ME1: variants seen among roughly 807,000 people sequenced by gnomAD.
The protein encoded by ME1 is malic enzyme 1, also known as NADP-dependent malic enzyme.
Under a neutral mutation model 66.4 loss-of-function variants are expected in ME1, and 74 were observed. The observed-to-expected ratio is 1.11, with a 90% CI of 0.92 to 1.35. ME1 has a LOEUF of 1.35. ME1 is among the 40% of genes most tolerant of loss of function. ME1 has a pLI of 0.00. For synonymous variants in ME1, 251 were observed against 235.6 expected (o/e 1.07, Z -0.60); for missense variants, 750 against 694.1 (o/e 1.08, Z -0.90).
rs1562002963 is a variant in ME1 at position 83,398,467 on chromosome 6, TATAA to T, written c.258_261del (p.Phe86LeufsTer4). 1 of 1,584,370 alleles carries T rather than the reference TATAA, an allele frequency of 6.3e-7. No homozygotes were observed. The highest frequency in any genetic ancestry group is 1.8e-5 in the Admixed American group (1 of 56,936). On this transcript the variant is annotated frameshift_variant, in exon 3 of 14. Transcript: ENST00000369705. LOFTEE classifies it high-confidence loss of function. ...TTCTCAATGTCAGATGTCAGCACTC[TATAA>T]AAGAGTTTTTCATTTCTATCTTGGA...
intron 3 of ME1, chr6:83,392,779 T>C (rs1769647551): frequency 2.9e-6 from 2 of 686,098 alleles, no homozygotes; most frequent in Admixed American, 3.6e-5. Context: ...GGTCATCATC[T>C]CTGCACCCTC....
intron 11 of ME1, among the ~76,000 whole-genome samples, chr6:83,224,233 C>A (rs75566761): frequency 0.027 from 4,036 of 152,220 alleles, 81 homozygotes; most frequent in Admixed American, 0.055. Flanking sequence ...GCTCATCAAC[C>A]ATTTCTATAT....
In ME1 at chr6:83,339,893, C is replaced by T. The variant is rs563599970; in HGVS notation, c.600+6280G>A. Among the ~76,000 whole-genome samples the T allele has an allele frequency of 6.9e-5, 9 of 131,048 alleles. No homozygotes were observed. The South Asian group carries it at 1.8e-3, about 27-fold the overall frequency. 86.0% of individuals were successfully genotyped at this position (131,048 alleles called of 152,430 possible). A position where few individuals can be genotyped will look rare whatever the true frequency, so the allele number is the denominator to read the frequency against. The stretch of plus-strand genomic sequence containing the variant: ...CTAGATGACACGTTAGTGGGTGCAG[C>T]GCACCAGCATGGCACATGTATACAT... On this transcript the variant is annotated intron_variant, in intron 5 of 13. Coordinates refer to ENST00000369705, the MANE Select transcript of ME1 (RefSeq NM_002395.6).
chr6:83,338,070 C>T (rs1360130903), intron 5 of ME1, among the ~76,000 whole-genome samples: 1 of 1,834 alleles, frequency 5.5e-4, no homozygotes. Context: ...TAGAAAACCC[C>T]ATCGTCTCAG....
At chr6:83,361,514 A>G (rs1043919964) in intron 3 of ME1, among the ~76,000 whole-genome samples, 1 of 152,262 alleles carries the variant, frequency 6.6e-6, no homozygotes, top group Non-Finnish European at 1.5e-5. Flanking sequence ...CACTTGGGCC[A>G]TATGACCCAG....
intron 5 of ME1, among the ~76,000 whole-genome samples, chr6:83,319,693 A>C (rs1302723570): frequency 6.6e-6 from 1 of 152,350 alleles, no homozygotes; most frequent in East Asian, 1.9e-4. Flanking sequence ...CCAAAAGCCC[A>C]AAAAAGAACA....
rs1273007277 is a variant in ME1, at chr6:83,279,702, A to G, written c.705-25964T>C. 5.9e-5 allele frequency among the ~76,000 whole-genome samples: 9 copies of G among 152,332 alleles called. 1 individual carries two copies. Among genetic ancestry groups the G allele is most frequent in the African/African-American group, 2.2e-4 (9 of 41,586 alleles). On this transcript the variant is annotated intron_variant, in intron 6 of 13. Transcript: ENST00000369705. The stretch of plus-strand genomic sequence containing the variant: ...AATGAGAATACAAGAAAGAGAAGGA[A>G]GAAGTAAGTATTTGAAGTAATAATG...
At chr6:83,347,011 T>G (rs1227967494) in intron 4 of ME1, among the ~76,000 whole-genome samples, 1 of 152,060 alleles carries the variant, frequency 6.6e-6, no homozygotes, top group African/African-American at 2.4e-5. Flanking sequence ...TGGAGTGCAG[T>G]GGCACAATCT....
At chr6:83,363,823 CA>C (rs1241924148) in intron 3 of ME1, among the ~76,000 whole-genome samples, 1 of 152,152 alleles carries the variant, frequency 6.6e-6, no homozygotes, top group African/African-American at 2.4e-5. Context: ...AACTGCGCAT[CA>C]GCATTTAAGT....
At chr6:83,393,202 A>C (rs1769658939) in intron 3 of ME1, 4 of 1,194,508 alleles carry the variant, frequency 3.3e-6, no homozygotes, top group African/African-American at 1.5e-5. Context: ...CAGGCGTCAG[A>C]GGACCCCCTC....
intron 9 of ME1, among the ~76,000 whole-genome samples, chr6:83,232,009 G>A (rs957964397): frequency 1.3e-5 from 2 of 152,124 alleles, no homozygotes; most frequent in Non-Finnish European, 2.9e-5. Flanking sequence ...AAAAGCACAT[G>A]TTTATAGTGG....
rs1051682306 is a variant in ME1 at position 83,357,902 on chromosome 6, CCTCTCTCT to C, written c.363-5771_363-5764del. On this transcript the variant is annotated intron_variant, in intron 3 of 13. Transcript: ENST00000369705. ...TGTTAGTTAATACTTAATAAACTCC[CCTCTCTCT>C]CTCTCTCTCTCTCTCTCTCTCTCTC... Among the ~76,000 whole-genome samples, 31 of 31,556 alleles carry C rather than the reference CCTCTCTCT, an allele frequency of 9.8e-4. 1 individual carries two copies. Among genetic ancestry groups the C allele is most frequent in the Admixed American group, 2.2e-3 (4 of 1,852 alleles). 20.7% of individuals were successfully genotyped at this position (31,556 alleles called of 152,430 possible). A position where few individuals can be genotyped will look rare whatever the true frequency, so the allele number is the denominator to read the frequency against.
chr6:83,367,776 C>A (rs1243684591), intron 3 of ME1, among the ~76,000 whole-genome samples: 3 of 152,180 alleles, frequency 2.0e-5, no homozygotes, highest in Non-Finnish European at 4.4e-5. Flanking sequence ...ACCATTCAAA[C>A]TTTCTCCATA....
intron 6 of ME1, among the ~76,000 whole-genome samples, chr6:83,299,965 T>C (rs1767682860): frequency 6.6e-6 from 1 of 152,156 alleles, no homozygotes; most frequent in African/African-American, 2.4e-5. Context: ...TTGAATGCGG[T>C]GGATAAGCTT....
intron 5 of ME1, among the ~76,000 whole-genome samples, chr6:83,317,406 A>G (rs1054043437): frequency 6.6e-6 from 1 of 151,384 alleles, no homozygotes; most frequent in African/African-American, 2.4e-5. Flanking sequence ...ATTCCTAGGT[A>G]TTTTATTCTC....
intron 6 of ME1, among the ~76,000 whole-genome samples, chr6:83,273,070 G>A (rs1390410053): frequency 4.0e-5 from 6 of 151,492 alleles, no homozygotes; most frequent in South Asian, 2.1e-4. Context: ...CCAGCTACTC[G>A]GGAGGCTGAG....
chr6:83,372,947 G>A (rs1470948672), intron 3 of ME1, among the ~76,000 whole-genome samples: 1 of 152,148 alleles, frequency 6.6e-6, no homozygotes, highest in Non-Finnish European at 1.5e-5. Context: ...ATAAGTAAAT[G>A]TTTAGTGATG....
At chr6:83,317,036 T>C (rs1240306003) in intron 5 of ME1, among the ~76,000 whole-genome samples, 1 of 152,140 alleles carries the variant, frequency 6.6e-6, no homozygotes, top group Non-Finnish European at 1.5e-5. Flanking sequence ...TGAATCTGGC[T>C]AATGAGATTT....
chr6:83,274,941 A>T (rs1308673922), intron 6 of ME1, among the ~76,000 whole-genome samples: 4 of 152,206 alleles, frequency 2.6e-5, no homozygotes, highest in Admixed American at 2.0e-4. Flanking sequence ...AATTTCCAAA[A>T]ATGCCCCAGG....
Sources: allele counts gnomAD v4.1 joint callset (sites outside exome capture counted in the v4.1 genomes callset), GRCh38; gene constraint gnomAD v4.1.1; transcripts MANE v1.5; gene names NCBI Gene and HGNC (gene_info 2026-07-23, HGNC 2026-07-21).